Variants in APBB3 observed in about 807,000 individuals in gnomAD.
The protein encoded by APBB3 is amyloid-beta A4 precursor protein-binding family B member 3.
Under a neutral mutation model 61.5 loss-of-function variants are expected in APBB3, and 50 were observed. The ratio of observed to expected loss-of-function variants is 0.81; its 90% CI spans 0.65 to 1.03. The LOEUF (loss-of-function observed/expected upper bound fraction) is 1.03, where lower values mean the gene tolerates loss of function less well. Ranked by LOEUF, APBB3 falls within the 50% of genes least tolerant of loss-of-function variation. The probability of loss-of-function intolerance (pLI) is 0.00; values close to 1 mark genes in which losing one functional copy is unlikely to be tolerated. For missense variants in APBB3, 550 were observed against 637.4 expected (o/e 0.86, Z 1.48); for synonymous variants, 235 against 233.0 (o/e 1.01, Z -0.08).
Position 140,558,792 on chromosome 5 carries a change from A to G in APBB3, c.1254T>C (p.Ser418=). ...CACCCCAGGCCTTGCCTCGAGCTGCAGAGGCCACAAGACACTTCTGGTACT... is the reference window on the plus strand; with the variant it reads ...CACCCCAGGCCTTGCCTCGAGCTGCGGAGGCCACAAGACACTTCTGGTACT... ...MVQYQKCLVA[S]AARGKAWGAQ... Residue 418 remains serine (S), a synonymous_variant, in exon 13 of 13, where the codon TCT becomes TCC. Transcript: ENST00000357560. 1 of 1,611,014 alleles carries G rather than the reference A, an allele frequency of 6.2e-7. No individual in the cohort carries two copies. Among genetic ancestry groups the G allele is most frequent in the Non-Finnish European group, 8.5e-7 (1 of 1,179,328 alleles).
rs1754922288 is a variant in APBB3, at chr5:140,560,903, C to A, written c.916+115G>T. 1 of 1,396,708 alleles carries A rather than the reference C, an allele frequency of 7.2e-7. No homozygotes were observed. Among genetic ancestry groups the A allele is most frequent in the African/African-American group, 1.4e-5 (1 of 70,728 alleles). 86.5% of individuals were successfully genotyped at this position (1,396,708 alleles called of 1,614,324 possible). ...ATTCTGATTTGGGAAGGCTGGTAGA[C>A]CCCAGGCCATAACAAGGCCACGGGA... On this transcript the variant is annotated intron_variant, in intron 10 of 12. Transcript: ENST00000357560. The surrounding 1 kb of genome is among the most constrained non-coding windows in gnomAD (Gnocchi z 5.1).
At chr5:140,563,274 G>C (rs1755049124) in intron 3 of APBB3, 1 of 396,464 alleles carries the variant, frequency 2.5e-6, no homozygotes, top group Non-Finnish European at 4.5e-6. Flanking sequence ...TCACAAAATA[G>C]AACAGGGTCC....
Position 140,560,530 on chromosome 5 carries a change from G to C in APBB3, c.1033-26C>G, listed in dbSNP as rs1224669108. 2.5e-6 allele frequency: 4 copies of C among 1,608,914 alleles called. No individual in the cohort carries two copies. The highest frequency in any genetic ancestry group is 1.7e-5 in the Admixed American group (1 of 59,642). On this transcript the variant is annotated intron_variant, in intron 11 of 12. Transcript: ENST00000357560. This position sits in a 1 kb window ranked among gnomAD's most constrained non-coding sequence, Gnocchi z 5.1. ...CTGCCCACACCAGGCCTAGTCACTAGAGGGCCAAGCACGGGCCAGACCCAC... is the reference window on the plus strand; with the variant it reads ...CTGCCCACACCAGGCCTAGTCACTACAGGGCCAAGCACGGGCCAGACCCAC...
intron 6 of APBB3, 113 bp downstream of exon 6, chr5:140,561,987 T>A (rs1421057892): frequency 6.2e-7 from 1 of 1,611,782 alleles, no homozygotes. Context: ...TGGGTCCACA[T>A]CAGAGGATCT....
chr5:140,561,313 A>G (rs998855747), intron 9 of APBB3, 52 bp downstream of exon 9: 3 of 1,594,886 alleles, frequency 1.9e-6, no homozygotes, highest in Non-Finnish European at 2.6e-6. Flanking sequence ...CCCCCCCACA[A>G]AGCAGCACCA....
chr5:140,558,962 TC>T, intron 12 of APBB3, 141 bp from the exon 13 acceptor site: 1 of 739,608 alleles, frequency 1.4e-6, no homozygotes, highest in Non-Finnish European at 2.3e-6. Context: ...TCTAGAGCAT[TC>T]CCAGGTAGCT....
At chr5:140,563,291 T>G in intron 3 of APBB3, 1 of 446,912 alleles carries the variant, frequency 2.2e-6, no homozygotes. Flanking sequence ...GTCCAATATG[T>G]GGACCAGAAC....
rs371445677 is a variant in APBB3, at chr5:140,564,179, G to C, written c.49+18C>G. ...TCCCTCAGCTCCTGGTCTTCCCACC[G>C]GGCCCCTCCGTGCACACCATCGCAG... is the stretch of plus-strand genomic sequence containing the variant. On this transcript the variant is annotated intron_variant, in intron 1 of 12. Coordinates refer to ENST00000357560, the MANE Select transcript of APBB3 (RefSeq NM_133173.3). The surrounding 1 kb of genome is among the most constrained non-coding windows in gnomAD (Gnocchi z 5.0). The C allele has an allele frequency of 2.5e-6, 4 of 1,613,906 alleles. No homozygotes were observed. Among genetic ancestry groups the C allele is most frequent in the African/African-American group, 1.3e-5 (1 of 74,998 alleles).
In APBB3 at chr5:140,560,398, AG is replaced by A; in HGVS notation, c.1138del (p.Leu380TrpfsTer99). On this transcript the variant is annotated frameshift_variant, in exon 12 of 13. Transcript: ENST00000357560. LOFTEE classifies it high-confidence loss of function. This position sits in a 1 kb window ranked among gnomAD's most constrained non-coding sequence, Gnocchi z 5.1. ...DPHTFGLIAD[L>X]GRQSFQCAAF... ...TGCGCACTGGAAGCTCTGACGGCCC[AG>A]GTCAGCGATGAGGCCAAAGGTGTGT... The A allele has an allele frequency of 6.2e-7, 1 of 1,614,200 alleles. No individual in the cohort carries two copies. The highest frequency in any genetic ancestry group is 1.1e-5 in the South Asian group (1 of 91,088).
chr5:140,563,710 G>T, intron 2 of APBB3, 40 bp from the exon 3 acceptor site: 2 of 1,613,984 alleles, frequency 1.2e-6, no homozygotes, highest in African/African-American at 2.7e-5. Flanking sequence ...GCAGACCTAG[G>T]TCCACACATG....
chr5:140,560,885 T>C lies in APBB3; in HGVS notation c.917-131A>G. The C allele has an allele frequency of 1.4e-6, 2 of 1,381,230 alleles. No homozygotes were observed. The highest frequency in any genetic ancestry group is 2.5e-5 in the South Asian group (2 of 81,324). The allele number at this position is 1,381,230 out of a possible 1,614,324, so 85.6% of individuals were successfully genotyped here. A position where few individuals can be genotyped will look rare whatever the true frequency, so the allele number is the denominator to read the frequency against. ...GCTGGGGCAAGCCTTAGAATTCTGA[T>C]TTGGGAAGGCTGGTAGACCCCAGGC... On this transcript the variant is annotated intron_variant, in intron 10 of 12. Transcript: ENST00000357560. This position sits in a 1 kb window ranked among gnomAD's most constrained non-coding sequence, Gnocchi z 5.1.
rs1262997719 is a variant in APBB3, at chr5:140,562,202, T to C, written c.524A>G (p.Lys175Arg). ...ATTCACTAGGCTCATGGCATCCTTC[T>C]TCAGGATCATCAGCATGTTCTGGCC... ...GEGQNMLMILKKDAMSLVNPL... is the reference protein window; with the variant it reads ...GEGQNMLMILRKDAMSLVNPL... Residue 175 changes from lysine to arginine, a missense_variant, in exon 6 of 13, where the codon AAG becomes AGG. Lys to Arg is a conservative substitution (Grantham distance 26). This residue lies in a region of APBB3 where 405 missense variants were observed against 483.4 expected (regional missense o/e 0.84). Transcript: ENST00000357560. The C allele has an allele frequency of 6.2e-7, 1 of 1,614,064 alleles. No homozygotes were observed. The highest frequency in any genetic ancestry group is 8.5e-7 in the Non-Finnish European group (1 of 1,180,032).
chr5:140,559,674 A>C (rs1754861320), intron 12 of APBB3, among the ~76,000 whole-genome samples: 1 of 152,058 alleles, frequency 6.6e-6, no homozygotes, highest in African/African-American at 2.4e-5. Context: ...ACTCCCCTTC[A>C]CCTGGCTAAC....
rs1250219123 is a variant in APBB3, at chr5:140,563,869, A to C, written c.96T>G (p.Pro32=). 6.2e-7 allele frequency: 1 copy of C among 1,614,024 alleles called. No individual in the cohort carries two copies. Among genetic ancestry groups the C allele is most frequent in the East Asian group, 2.2e-5 (1 of 44,892 alleles). ...DHSLEVEAGL[P]PGWRKIHDAA... Reference sequence around the variant, plus strand: ...CATCGTGGATCTTCCTCCAGCCAGGAGGCAGGCCAGCCTCCACCTCCAGAC... The same window carrying C: ...CATCGTGGATCTTCCTCCAGCCAGGCGGCAGGCCAGCCTCCACCTCCAGAC... The change falls in exon 2 of 13, where the codon CCT becomes CCG. Residue 32 remains proline, a synonymous_variant. Coordinates refer to ENST00000357560, the MANE Select transcript of APBB3 (RefSeq NM_133173.3).
rs1350550781 is a variant in APBB3, at chr5:140,558,298, G to A, written c.*287C>T. On this transcript the variant is annotated 3_prime_UTR_variant, in exon 13 of 13. Transcript: ENST00000357560. Reference sequence around the variant, plus strand: ...TCACTGAGGGATTTTTATTTGCACTGATTTTGCTATAAAGTGTTACTGAGG... The same window carrying A: ...TCACTGAGGGATTTTTATTTGCACTAATTTTGCTATAAAGTGTTACTGAGG... 3 of 474,604 alleles carry A rather than the reference G, an allele frequency of 6.3e-6. No individual in the cohort carries two copies. Among genetic ancestry groups the A allele is most frequent in the African/African-American group, 6.0e-5 (3 of 49,818 alleles). 29.4% of individuals were successfully genotyped at this position (474,604 alleles called of 1,614,324 possible). A position where few individuals can be genotyped will look rare whatever the true frequency, so the allele number is the denominator to read the frequency against.
In APBB3 at chr5:140,560,569, C is replaced by G; in HGVS notation, c.1033-65G>C. On this transcript the variant is annotated intron_variant, in intron 11 of 12. Coordinates refer to ENST00000357560, the MANE Select transcript of APBB3 (RefSeq NM_133173.3). This position sits in a 1 kb window ranked among gnomAD's most constrained non-coding sequence, Gnocchi z 5.1. ...GGCCAGACCCACTTAACTTTTCCGA[C>G]AGCAAGCAGTGACCCCTCAGCATCC... 5 of 1,606,324 alleles carry G rather than the reference C, an allele frequency of 3.1e-6. No individual in the cohort carries two copies. The highest frequency in any genetic ancestry group is 2.2e-5 in the East Asian group (1 of 44,580).
intron 4 of APBB3, 80 bp downstream of exon 4, chr5:140,562,583 C>T: frequency 6.2e-7 from 1 of 1,609,318 alleles, no homozygotes; most frequent in Non-Finnish European, 8.5e-7. Flanking sequence ...TGTCTTCACC[C>T]TTGATCACCT....
Position 140,558,517 on chromosome 5 carries a change from T to G in APBB3, c.*68A>C. 1 of 1,475,860 alleles carries G rather than the reference T, an allele frequency of 6.8e-7. No homozygotes were observed. The highest frequency in any genetic ancestry group is 9.5e-7 in the Non-Finnish European group (1 of 1,053,994). The allele number at this position is 1,475,860 out of a possible 1,614,324, so 91.4% of individuals were successfully genotyped here. On this transcript the variant is annotated 3_prime_UTR_variant, in exon 13 of 13. Coordinates refer to ENST00000357560, the MANE Select transcript of APBB3 (RefSeq NM_133173.3). ...TCAAGGAGTGACAGGCTATAGGCCT[T>G]GAGGAATAAAACGGTACAGAGTTAG...
In APBB3 at chr5:140,562,089, G is replaced by A; in HGVS notation, c.626+11C>T. On this transcript the variant is annotated intron_variant, in intron 6 of 12. Transcript: ENST00000357560. ...AAGTAGCTCTTGCTTGGGGGATGTAGGCATCCTCACCGGCCCTTGGAGCTC... is the reference window on the plus strand; with the variant it reads ...AAGTAGCTCTTGCTTGGGGGATGTAAGCATCCTCACCGGCCCTTGGAGCTC... The A allele has an allele frequency of 6.2e-7, 1 of 1,613,650 alleles. No individual in the cohort carries two copies.
Sources: allele counts gnomAD v4.1 joint callset (sites outside exome capture counted in the v4.1 genomes callset), GRCh38; gene constraint gnomAD v4.1.1; regional missense constraint gnomAD v4.1.1; non-coding constraint Gnocchi (gnomAD v3.1); transcripts MANE v1.5; gene names NCBI Gene and HGNC (gene_info 2026-07-23, HGNC 2026-07-21).